SHROOM4: variants seen among roughly 807,000 people sequenced by gnomAD.
SHROOM4 encodes the protein shroom family member 4, also known as protein Shroom4.
In SHROOM4, 17 loss-of-function variants were observed where a neutral mutation model predicts 80.3. The ratio of observed to expected loss-of-function variants is 0.21; its 90% CI spans 0.14 to 0.32. The LOEUF (loss-of-function observed/expected upper bound fraction) is 0.32. SHROOM4 is among the 10% of genes least tolerant of loss of function. The pLI, the probability that SHROOM4 is intolerant of heterozygous loss-of-function variation, is 1.00. For missense variants in SHROOM4, 993 were observed against 1,140.3 expected (o/e 0.87, Z 1.86); for synonymous variants, 400 against 437.5 (o/e 0.91, Z 1.07).
chrX:50,674,829 C>A (rs975468762), intron 2 of SHROOM4, among the ~76,000 whole-genome samples: 3 of 111,730 alleles, frequency 2.7e-5, no homozygotes, highest in African/African-American at 9.7e-5. Flanking sequence ...AATTAAAATG[C>A]AGCCCCTGTC....
At chrX:50,576,368 G>C in the SHROOM4 span, among the ~76,000 whole-genome samples, 2 of 111,292 alleles carry the variant, frequency 1.8e-5, no homozygotes, top group African/African-American at 3.3e-5. Context: ...GGTGAGGGGT[G>C]GTAAGACACA....
At chrX:50,575,534 T>A in the SHROOM4 span, among the ~76,000 whole-genome samples, 9 of 111,647 alleles carry the variant, frequency 8.1e-5, no homozygotes, top group Admixed American at 9.6e-5. Context: ...TTCTTTTATA[T>A]TCTGTATGCC....
chrX:50,627,476 A>T, intron 5 of SHROOM4, 138 bp downstream of exon 5: 1 of 569,542 alleles, frequency 1.8e-6, no homozygotes, highest in Non-Finnish European at 3.1e-6. Context: ...AGGCTGAATT[A>T]TATCTATGGT....
At chrX:50,789,416 A>C (rs1447229128) in intron 1 of SHROOM4, among the ~76,000 whole-genome samples, 1 of 112,113 alleles carries the variant, frequency 8.9e-6, no homozygotes, top group African/African-American at 3.2e-5. Context: ...GTGAAACAAA[A>C]AAATCAAAAG....
intron 5 of SHROOM4, among the ~76,000 whole-genome samples, chrX:50,622,512 G>A (rs1437907318): frequency 8.9e-6 from 1 of 111,911 alleles, no homozygotes; most frequent in Non-Finnish European, 1.9e-5. Flanking sequence ...TTCTCTTCAC[G>A]GAAAACCAAA....
At chrX:50,805,899 C>T (rs1936216650) in intron 1 of SHROOM4, among the ~76,000 whole-genome samples, 1 of 111,405 alleles carries the variant, frequency 9.0e-6, no homozygotes, top group Non-Finnish European at 1.9e-5. Flanking sequence ...TCAAACCTAT[C>T]AACCTCAACT....
At chrX:50,597,946 C>G (rs1454436413) in intron 8 of SHROOM4, among the ~76,000 whole-genome samples, 4 of 111,488 alleles carry the variant, frequency 3.6e-5, no homozygotes, top group Non-Finnish European at 7.5e-5. Flanking sequence ...TCAAGCAAAC[C>G]TTCCACCTCA....
At chrX:50,671,591 C>T (rs1932798296) in intron 2 of SHROOM4, among the ~76,000 whole-genome samples, 1 of 112,329 alleles carries the variant, frequency 8.9e-6, no homozygotes, top group African/African-American at 3.2e-5. Context: ...CTGCTAGCTT[C>T]AAACTTTTCT....
At chrX:50,674,991 T>A (rs948459943) in intron 2 of SHROOM4, among the ~76,000 whole-genome samples, 1 of 111,993 alleles carries the variant, frequency 8.9e-6, no homozygotes, top group Non-Finnish European at 1.9e-5. Context: ...GAGCAGAGAC[T>A]TAGCAGGTAA....
At chrX:50,639,942 G>A (rs1311950990) in intron 2 of SHROOM4, among the ~76,000 whole-genome samples, 1 of 111,749 alleles carries the variant, frequency 8.9e-6, no homozygotes, top group Non-Finnish European at 1.9e-5. Flanking sequence ...TTTAAGCGGA[G>A]GAAAGCCAGG....
chrX:50,644,074 G>A (rs1372308037), intron 2 of SHROOM4, among the ~76,000 whole-genome samples: 4 of 112,104 alleles, frequency 3.6e-5, no homozygotes, highest in Non-Finnish European at 7.5e-5. Flanking sequence ...GCAAGTGACT[G>A]AGAGATTTTC....
At chrX:50,679,067 TG>T (rs1220631102) in intron 2 of SHROOM4, among the ~76,000 whole-genome samples, 1 of 111,483 alleles carries the variant, frequency 9.0e-6, no homozygotes, top group Non-Finnish European at 1.9e-5. Context: ...TATTGATTGT[TG>T]GACTGCTTTT....
chrX:50,717,167 G>A (rs782226377), intron 1 of SHROOM4, among the ~76,000 whole-genome samples: 1 of 111,841 alleles, frequency 8.9e-6, no homozygotes, highest in Non-Finnish European at 1.9e-5. Flanking sequence ...AGGATTTCCT[G>A]AAATGAAAGT....
chrX:50,651,778 A>T (rs1362712501), intron 2 of SHROOM4, among the ~76,000 whole-genome samples: 12 of 81,422 alleles, frequency 1.5e-4, no homozygotes, highest in Non-Finnish European at 2.3e-4. Flanking sequence ...TTCCCCTCCC[A>T]GTGTCCATGT....
chrX:50,585,499 G>T (rs782681524), downstream of SHROOM4, among the ~76,000 whole-genome samples: 37 of 111,166 alleles, frequency 3.3e-4, no homozygotes, highest in Non-Finnish European at 4.0e-4. Context: ...GTCATAGCTG[G>T]AGAAGCACAC....
At chrX:50,672,073 C>T (rs1171654748) in intron 2 of SHROOM4, among the ~76,000 whole-genome samples, 1 of 111,873 alleles carries the variant, frequency 8.9e-6, no homozygotes, top group Non-Finnish European at 1.9e-5. Flanking sequence ...TCGGTACACA[C>T]GACATTTATC....
At chrX:50,703,815 G>T (rs1557263722) in intron 1 of SHROOM4, among the ~76,000 whole-genome samples, 1 of 111,880 alleles carries the variant, frequency 8.9e-6, no homozygotes, top group African/African-American at 3.2e-5. Context: ...CCAGTCTCAG[G>T]TAGTATCTTT....
In SHROOM4 at chrX:50,608,157, A is replaced by G. The variant is rs1279797850; in HGVS notation, c.2985T>C (p.Phe995=). The change falls in exon 6 of 9, where the codon TTT becomes TTC. Residue 995 remains phenylalanine, a synonymous_variant. Transcript: ENST00000376020. ...GREMAHSKTS[F]SWATPFHPCL... ...AAGGATGGAAAGGGGTTGCCCATGA[A>G]AAGCTAGTCTTGGAATGAGCCATTT... The G allele has an allele frequency of 1.7e-6, 2 of 1,210,174 alleles. No individual in the cohort carries two copies. The highest frequency in any genetic ancestry group is 3.5e-5 in the African/African-American group (2 of 57,236).
rs189296139 is a variant in SHROOM4 at position 50,623,151 on chromosome X, C to G, written c.2957+4463G>C. Among the ~76,000 whole-genome samples the G allele has an allele frequency of 8.5e-4, 95 of 111,947 alleles. 1 individual carries two copies. The highest frequency in any genetic ancestry group is 9.4e-5 in the Non-Finnish European group (5 of 53,208). Reference sequence around the variant, plus strand: ...CATCCTATTTCTCTCTTTCCTTTTCCTAGCTAATTTACTATTTTTAAACAT... The same window carrying G: ...CATCCTATTTCTCTCTTTCCTTTTCGTAGCTAATTTACTATTTTTAAACAT... On this transcript the variant is annotated intron_variant, in intron 5 of 8. Coordinates refer to ENST00000376020, the MANE Select transcript of SHROOM4 (RefSeq NM_020717.5).
Sources: gnomAD v4.1 joint callset for allele counts (sites outside exome capture counted in the v4.1 genomes callset) on GRCh38, gnomAD v4.1.1 for gene constraint, MANE v1.5 for transcripts, NCBI Gene and HGNC (gene_info 2026-07-23, HGNC 2026-07-21) for gene names.